Variants in CSNK1G1 observed in about 807,000 individuals in gnomAD.
The protein encoded by CSNK1G1 is casein kinase I isoform gamma-1.
Under a neutral mutation model 59.6 loss-of-function variants are expected in CSNK1G1, and 22 were observed. The ratio of observed to expected loss-of-function variants is 0.37; its 90% CI spans 0.26 to 0.53. The LOEUF (loss-of-function observed/expected upper bound fraction) is 0.53, where lower values mean the gene tolerates loss of function less well. Among genes scored for constraint, CSNK1G1 ranks in the 20% least tolerant of loss-of-function variants. The pLI is 0.89. For synonymous variants in CSNK1G1, 179 were observed against 177.1 expected (o/e 1.01, Z -0.08); for missense variants, 384 against 519.5 (o/e 0.74, Z 2.54).
intron 10 of CSNK1G1, chr15:64,181,912 G>C (rs2081818940): frequency 1.3e-5 from 2 of 155,146 alleles, no homozygotes; most frequent in Admixed American, 1.2e-4. Flanking sequence ...AAAATTTCCT[G>C]AATAGTCATA....
At chr15:64,227,324 C>A (rs917302372) in intron 4 of CSNK1G1, among the ~76,000 whole-genome samples, 2 of 152,192 alleles carry the variant, frequency 1.3e-5, no homozygotes, top group Admixed American at 6.5e-5. Context: ...TTCAGAGTTG[C>A]AATATTTCTA....
At chr15:64,204,727 T>C (rs62024569) in intron 8 of CSNK1G1, 138 bp from the exon 9 acceptor site, 158,114 of 1,179,302 alleles carry the variant, frequency 0.13, 13,271 homozygotes, top group African/African-American at 0.39. Flanking sequence ...AAAATAAAAG[T>C]GATAAAACCT....
intron 2 of CSNK1G1, among the ~76,000 whole-genome samples, chr15:64,268,934 T>A (rs1893128406): frequency 6.6e-6 from 1 of 152,202 alleles, no homozygotes; most frequent in Non-Finnish European, 1.5e-5. Context: ...AGTACAAAAG[T>A]GCTCAAGGAG....
chr15:64,332,876 G>A (rs1169062875), intron 1 of CSNK1G1, among the ~76,000 whole-genome samples: 1 of 152,076 alleles, frequency 6.6e-6, no homozygotes, highest in Non-Finnish European at 1.5e-5. Flanking sequence ...TATGTAAAAT[G>A]TTCAAACCTA....
rs1566938748 is a variant in CSNK1G1 at position 64,300,314 on chromosome 15, C to T, written c.181+5G>A. On this transcript the variant is annotated splice_donor_5th_base_variant and intron_variant, in intron 2 of 11. Transcript: ENST00000303052. ...TAGAAGTCACTGACATAACCAAGTG[C>T]TTACCTAATCTGAGCTCTCCGAAGT... The T allele has an allele frequency of 1.9e-6, 3 of 1,613,728 alleles. No individual in the cohort carries two copies. Among genetic ancestry groups the T allele is most frequent in the East Asian group, 2.2e-5 (1 of 44,888 alleles).
At chr15:64,270,772 A>AC (rs1893255265) in intron 2 of CSNK1G1, among the ~76,000 whole-genome samples, 1 of 151,610 alleles carries the variant, frequency 6.6e-6, no homozygotes, top group Non-Finnish European at 1.5e-5. Flanking sequence ...AAAAAAAAAA[A>AC]AACACTACCT....
At chr15:64,191,272 G>A (rs533914150) in intron 10 of CSNK1G1, among the ~76,000 whole-genome samples, 6 of 152,138 alleles carry the variant, frequency 3.9e-5, no homozygotes, top group African/African-American at 1.4e-4. Flanking sequence ...GTGTTAGCTA[G>A]GATGGTCTCG....
At chr15:64,298,751 G>A (rs2140399350) in intron 2 of CSNK1G1, among the ~76,000 whole-genome samples, 1 of 152,138 alleles carries the variant, frequency 6.6e-6, no homozygotes, top group Middle Eastern at 3.4e-3. Flanking sequence ...AGCAGAGGTG[G>A]TCAGGCGTAG....
chr15:64,236,484 A>T (rs2082618726), intron 4 of CSNK1G1, among the ~76,000 whole-genome samples: 1 of 152,222 alleles, frequency 6.6e-6, no homozygotes, highest in African/African-American at 2.4e-5. Context: ...GTGGGAAAAG[A>T]ACATTAATAG....
At chr15:64,321,937 A>C (rs2140440564) in intron 1 of CSNK1G1, among the ~76,000 whole-genome samples, 1 of 152,388 alleles carries the variant, frequency 6.6e-6, no homozygotes, top group South Asian at 2.1e-4. Context: ...GGCAGTAACA[A>C]ACCTCACAAG....
Position 64,244,856 on chromosome 15 carries a change from C to A in CSNK1G1, c.292+6656G>T, listed in dbSNP as rs540498919. On this transcript the variant is annotated intron_variant, in intron 4 of 11. Coordinates refer to ENST00000303052, the MANE Select transcript of CSNK1G1 (RefSeq NM_022048.5). ...AAAAACAACACAGCTGGAGGCATCA[C>A]CCACTAATCACGCACTACCTGATGT... Among the ~76,000 whole-genome samples the A allele has an allele frequency of 5.9e-5, 9 of 152,180 alleles. No individual in the cohort carries two copies. In the East Asian group the frequency reaches 1.7e-3, roughly 29 times the overall value.
chr15:64,265,280 G>C (rs958171308), intron 2 of CSNK1G1, among the ~76,000 whole-genome samples: 3 of 152,208 alleles, frequency 2.0e-5, no homozygotes, highest in African/African-American at 7.2e-5. Context: ...AGGAAATATG[G>C]TTTGGCTGTG....
intron 10 of CSNK1G1, among the ~76,000 whole-genome samples, chr15:64,198,688 T>C (rs1448567729): frequency 1.3e-5 from 2 of 151,230 alleles, no homozygotes; most frequent in Non-Finnish European, 2.9e-5. Flanking sequence ...TTGTTTTCAA[T>C]TCTTAGAGTA....
At chr15:64,287,892 C>G (rs1375622584) in intron 2 of CSNK1G1, among the ~76,000 whole-genome samples, 1 of 151,942 alleles carries the variant, frequency 6.6e-6, no homozygotes, top group Non-Finnish European at 1.5e-5. Context: ...TTTCCAAAAC[C>G]CCACTGAAAG....
In CSNK1G1 at chr15:64,171,921, G is replaced by A. The variant is rs1474890648; in HGVS notation, c.*10C>T. On this transcript the variant is annotated 3_prime_UTR_variant, in exon 12 of 12. Transcript: ENST00000303052. The surrounding 1 kb of genome is among the most constrained non-coding windows in gnomAD (Gnocchi z 4.8). ...GTCCCCAGGGCCTGAGGACTCCTGG[G>A]AGGCACTGGTCACTTGTGGCGCTGA... The A allele has an allele frequency of 6.2e-7, 1 of 1,613,084 alleles. No individual in the cohort carries two copies. The highest frequency in any genetic ancestry group is 1.1e-5 in the South Asian group (1 of 91,066).
At chr15:64,190,516 G>A (rs1014361802) in intron 10 of CSNK1G1, among the ~76,000 whole-genome samples, 1 of 152,128 alleles carries the variant, frequency 6.6e-6, no homozygotes, top group Non-Finnish European at 1.5e-5. Flanking sequence ...TCAGGTTCAA[G>A]CGATTCTCCT....
intron 4 of CSNK1G1, among the ~76,000 whole-genome samples, chr15:64,219,777 CTTTTT>C (rs750402203): frequency 2.2e-5 from 3 of 136,314 alleles, no homozygotes; most frequent in African/African-American, 8.4e-5. Flanking sequence ...CTTTTCTTTT[CTTTTT>C]TTTTTTTTTT....
chr15:64,203,320 G>C, intron 9 of CSNK1G1, 131 bp from the exon 10 acceptor site: 1 of 678,104 alleles, frequency 1.5e-6, no homozygotes, highest in Non-Finnish European at 2.6e-6. Context: ...CTTTCAAGTT[G>C]TCTTGTCTTC....
chr15:64,169,915 AG>A lies in CSNK1G1; in HGVS notation c.*2015del, dbSNP rs1023087672. 1.3e-5 allele frequency: 2 copies of A among 152,172 alleles called. No individual in the cohort carries two copies. The highest frequency in any genetic ancestry group is 2.4e-5 in the African/African-American group (1 of 41,428). The allele number at this position is 152,172 out of a possible 1,614,324, so 9.4% of individuals were successfully genotyped here. A position where few individuals can be genotyped will look rare whatever the true frequency, so the allele number is the denominator to read the frequency against. On this transcript the variant is annotated 3_prime_UTR_variant, in exon 12 of 12. Transcript: ENST00000303052. ...GTTAATGTTATTTCTGCTCTGTGTA[AG>A]GTACATCAAGGGAATTTTTCAAGAA...
Sources: allele counts gnomAD v4.1 joint callset (sites outside exome capture counted in the v4.1 genomes callset), GRCh38; gene constraint gnomAD v4.1.1; non-coding constraint Gnocchi (gnomAD v3.1); transcripts MANE v1.5; gene names NCBI Gene and HGNC (gene_info 2026-07-23, HGNC 2026-07-21).